ATF7IP: variants seen among roughly 807,000 people sequenced by gnomAD.
ATF7IP encodes activating transcription factor 7-interacting protein 1.
In ATF7IP, 23 loss-of-function variants were observed where a neutral mutation model predicts 106.4. That is an observed-to-expected ratio of 0.22 (90% confidence interval 0.16 to 0.31). ATF7IP has a LOEUF of 0.31. ATF7IP is among the 10% of genes least tolerant of loss of function. ATF7IP has a pLI of 1.00. For synonymous variants in ATF7IP, 542 were observed against 539.0 expected, an observed-to-expected ratio of 1.01 and a Z score of -0.08; for missense variants, 1,334 against 1,524.3, an observed-to-expected ratio of 0.88 and a Z score of 2.08.
At chr12:14,409,101 G>T (rs532616668) in intron 1 of ATF7IP, among the ~76,000 whole-genome samples, 2 of 152,012 alleles carry the variant, frequency 1.3e-5, no homozygotes, top group South Asian at 4.1e-4. Context: ...ATTTGACAGA[G>T]ATTAAAATTT....
At chr12:14,495,310 T>A (rs998666536) in intron 13 of ATF7IP, among the ~76,000 whole-genome samples, 1 of 152,222 alleles carries the variant, frequency 6.6e-6, no homozygotes, top group African/African-American at 2.4e-5. Flanking sequence ...ATCACACATA[T>A]GTTGTAGTTT....
At chr12:14,428,710 C>T (rs1591839950) in intron 2 of ATF7IP, among the ~76,000 whole-genome samples, 1 of 152,140 alleles carries the variant, frequency 6.6e-6, no homozygotes, top group Admixed American at 6.6e-5. Flanking sequence ...AATAGCATAA[C>T]CTTCTGTCAT....
At chr12:14,481,408 G>A (rs1207382634) in intron 13 of ATF7IP, 2 of 577,352 alleles carry the variant, frequency 3.5e-6, no homozygotes, top group Non-Finnish European at 6.1e-6. Context: ...CAGATTTTAA[G>A]TATTGTCACC....
At chr12:14,445,899 C>T (rs747025182) in intron 5 of ATF7IP, among the ~76,000 whole-genome samples, 7 of 151,978 alleles carry the variant, frequency 4.6e-5, no homozygotes, top group Non-Finnish European at 8.8e-5. Flanking sequence ...GCTTCAGCAG[C>T]AACAGCAACA....
chr12:14,464,324 C>G (rs1480837559), intron 9 of ATF7IP, among the ~76,000 whole-genome samples: 1 of 152,110 alleles, frequency 6.6e-6, no homozygotes, highest in African/African-American at 2.4e-5. Flanking sequence ...GTCCCTGTCT[C>G]AGAAAGAAAA....
At chr12:14,466,479 T>C (rs1943837157) in intron 9 of ATF7IP, 47 bp from the exon 10 acceptor site, 1 of 1,507,612 alleles carries the variant, frequency 6.6e-7, no homozygotes, top group East Asian at 2.3e-5. Context: ...AACTTAACTT[T>C]TTACATTTTG....
At chr12:14,467,049 G>C (rs891867670) in intron 10 of ATF7IP, among the ~76,000 whole-genome samples, 4 of 151,922 alleles carry the variant, frequency 2.6e-5, no homozygotes, top group African/African-American at 9.7e-5. Flanking sequence ...TTGTCTGTCT[G>C]CTTGTTTACT....
intron 12 of ATF7IP, 94 bp from the exon 13 acceptor site, chr12:14,480,909 A>T: frequency 1.8e-6 from 2 of 1,097,124 alleles, no homozygotes; most frequent in African/African-American, 1.6e-5. Context: ...TTTATTAGTT[A>T]ATTAGATTTT....
At chr12:14,387,459 T>A (rs375769171) in intron 1 of ATF7IP, among the ~76,000 whole-genome samples, 7 of 152,324 alleles carry the variant, frequency 4.6e-5, no homozygotes, top group African/African-American at 1.7e-4. Context: ...AAACTGTCCA[T>A]GTTGAAATTA....
At chr12:14,396,943 C>T (rs957070818) in intron 1 of ATF7IP, among the ~76,000 whole-genome samples, 4 of 151,914 alleles carry the variant, frequency 2.6e-5, no homozygotes, top group African/African-American at 7.3e-5. Context: ...GGTGAATCAC[C>T]TGAGGTCAGG....
chr12:14,387,516 A>G (rs139301456), intron 1 of ATF7IP, among the ~76,000 whole-genome samples: 9 of 152,268 alleles, frequency 5.9e-5, no homozygotes, highest in Non-Finnish European at 1.2e-4. Flanking sequence ...GGAAATTTTA[A>G]TAACCCAGTC....
At chr12:14,487,349 T>C (rs1054958531) in intron 13 of ATF7IP, among the ~76,000 whole-genome samples, 7 of 151,886 alleles carry the variant, frequency 4.6e-5, no homozygotes, top group Admixed American at 3.3e-4. Flanking sequence ...ACCTTCAACC[T>C]CACCTCTAGG....
chr12:14,459,883 C>T (rs1943574637), intron 8 of ATF7IP, among the ~76,000 whole-genome samples: 1 of 152,222 alleles, frequency 6.6e-6, no homozygotes, highest in Admixed American at 6.5e-5. Context: ...CTTAATTCAT[C>T]TGTCATCTTC....
At chr12:14,403,690 A>G (rs1353918481) in intron 1 of ATF7IP, among the ~76,000 whole-genome samples, 1 of 152,196 alleles carries the variant, frequency 6.6e-6, no homozygotes, top group Non-Finnish European at 1.5e-5. Flanking sequence ...GAACCCTCCA[A>G]AAGAGCTTAG....
rs199558661 is a variant in ATF7IP at position 14,424,466 on chromosome 12, T to C, written c.551T>C (p.Val184Ala). Residue 184 changes from valine to alanine, a missense_variant, in exon 2 of 15, where the codon GTG becomes GCG. By Grantham distance (64) the Val-to-Ala change is moderately conservative (BLOSUM62 0). This residue lies in a region of ATF7IP where 438 missense variants were observed against 405.3 expected (regional missense o/e 1.08). Coordinates refer to ENST00000261168, the MANE Select transcript of ATF7IP (RefSeq NM_018179.5). ...ATSGDAPSGDVSPGDATSGDA... is the reference protein window; with the variant it reads ...ATSGDAPSGDASPGDATSGDA... ...TCTGGTGATGCCCCTTCTGGTGATG[T>C]GTCCCCTGGTGATGCCACCTCTGGT... 1.9e-6 allele frequency: 3 copies of C among 1,611,702 alleles called. No homozygotes were observed. Among genetic ancestry groups the C allele is most frequent in the Non-Finnish European group, 1.7e-6 (2 of 1,179,158 alleles).
chr12:14,476,006 A>G (rs766360430), intron 11 of ATF7IP, 38 bp downstream of exon 11: 2 of 1,512,270 alleles, frequency 1.3e-6, no homozygotes, highest in African/African-American at 1.4e-5. Flanking sequence ...ACGTTTTGAT[A>G]CCATTTTTTT....
intron 6 of ATF7IP, among the ~76,000 whole-genome samples, chr12:14,449,919 G>A (rs1002281340): frequency 6.6e-6 from 1 of 151,804 alleles, no homozygotes; most frequent in Non-Finnish European, 1.5e-5. Flanking sequence ...CCCTTTAAGT[G>A]TATTCCTAAG....
At chr12:14,372,930 C>G (rs1250098208) in intron 1 of ATF7IP, among the ~76,000 whole-genome samples, 1 of 152,118 alleles carries the variant, frequency 6.6e-6, no homozygotes, top group Non-Finnish European at 1.5e-5. Flanking sequence ...ACTGTCAAAG[C>G]TGTAAAAGGA....
At chr12:14,379,154 A>G (rs1591760746) in intron 1 of ATF7IP, among the ~76,000 whole-genome samples, 1 of 152,178 alleles carries the variant, frequency 6.6e-6, no homozygotes, top group Admixed American at 6.5e-5. Flanking sequence ...GTTTAGCACC[A>G]TCCCCCTTGG....
Sources: gnomAD v4.1 joint callset for allele counts (sites outside exome capture counted in the v4.1 genomes callset) on GRCh38, gnomAD v4.1.1 for gene constraint, gnomAD v4.1.1 regional missense constraint, MANE v1.5 for transcripts, NCBI Gene and HGNC (gene_info 2026-07-23, HGNC 2026-07-21) for gene names.